Variants in CXorf58 observed in about 807,000 individuals in gnomAD.
The protein encoded by CXorf58 is chromosome X open reading frame 58, also known as uncharacterized protein CXorf58.
In CXorf58, 24 loss-of-function variants were observed where a neutral mutation model predicts 26.0. The ratio of observed to expected loss-of-function variants is 0.92; its 90% CI spans 0.67 to 1.30. The LOEUF (loss-of-function observed/expected upper bound fraction) is 1.30. CXorf58 is among the 50% of genes most tolerant of loss of function. The probability of loss-of-function intolerance (pLI) is 0.00; values close to 1 mark genes in which losing one functional copy is unlikely to be tolerated. For missense variants in CXorf58, 236 were observed against 263.9 expected (o/e 0.89, Z 0.73); for synonymous variants, 87 against 86.1 (o/e 1.01, Z -0.06).
chrX:23,915,915 C>A lies in CXorf58; in HGVS notation c.311+121C>A. On this transcript the variant is annotated intron_variant, in intron 4 of 8. Coordinates refer to ENST00000379211, the MANE Select transcript of CXorf58 (RefSeq NM_152761.3). ...TTAATTACAAAGTAAATGTGTTATT[C>A]TTATTTACATTTGTTATGTGAAGAA... 6.2e-6 allele frequency: 3 copies of A among 480,513 alleles called. No individual in the cohort carries two copies. In the East Asian group the frequency reaches 1.1e-4, roughly 18 times the overall value. The allele number at this position is 480,513 out of a possible 1,213,427, so 39.6% of individuals were successfully genotyped here.
intron 5 of CXorf58, among the ~76,000 whole-genome samples, chrX:23,923,836 G>A (rs1236778322): frequency 1.8e-5 from 2 of 110,005 alleles, no homozygotes; most frequent in Non-Finnish European, 1.9e-5. Context: ...TTGGGAGGCC[G>A]AGGCAGGTGG....
chrX:23,935,190 C>T lies in CXorf58; in HGVS notation c.556-6C>T. ...CAACTTAATCGTTCTTGTTTTTTCC[C>T]TACAGTATCGCAGTTTTTTCGATGA... On this transcript the variant is annotated splice_polypyrimidine_tract_variant and splice_region_variant and intron_variant, in intron 6 of 8. Transcript: ENST00000379211. The T allele has an allele frequency of 2.5e-6, 3 of 1,196,216 alleles. No individual in the cohort carries two copies. The highest frequency in any genetic ancestry group is 3.4e-6 in the Non-Finnish European group (3 of 882,834).
chrX:23,925,457 C>T (rs1294700245), intron 5 of CXorf58, among the ~76,000 whole-genome samples: 1 of 108,253 alleles, frequency 9.2e-6, no homozygotes, highest in East Asian at 2.9e-4. Flanking sequence ...AAGCATTTCT[C>T]CTGCCTCAGC....
At chrX:23,933,319 T>C (rs1928212291) in intron 6 of CXorf58, among the ~76,000 whole-genome samples, 1 of 111,138 alleles carries the variant, frequency 9.0e-6, no homozygotes, top group South Asian at 3.7e-4. Context: ...CTTCTTGTTA[T>C]TCTGTTTCCT....
intron 5 of CXorf58, among the ~76,000 whole-genome samples, chrX:23,919,476 C>T (rs1462585504): frequency 8.9e-6 from 1 of 112,077 alleles, no homozygotes; most frequent in African/African-American, 3.2e-5. Context: ...TTCTGAATTC[C>T]TTCTCTGTGT....
At chrX:23,923,713 G>A (rs1927929684) in intron 5 of CXorf58, among the ~76,000 whole-genome samples, 1 of 111,164 alleles carries the variant, frequency 9.0e-6, no homozygotes, top group Admixed American at 9.6e-5. Context: ...CACTTTGGGA[G>A]GCCAAGGCAG....
At chrX:23,915,230 G>T (rs902454387) in intron 3 of CXorf58, among the ~76,000 whole-genome samples, 1 of 112,162 alleles carries the variant, frequency 8.9e-6, no homozygotes, top group African/African-American at 3.2e-5. Context: ...GTACATAAAA[G>T]GTGCTTAAAA....
intron 5 of CXorf58, among the ~76,000 whole-genome samples, chrX:23,918,585 C>A (rs1927788441): frequency 1.8e-5 from 2 of 112,090 alleles, no homozygotes; most frequent in African/African-American, 6.5e-5. Flanking sequence ...ATCTTCTAGT[C>A]TTTCTATTCA....
intron 5 of CXorf58, among the ~76,000 whole-genome samples, chrX:23,919,003 C>G (rs1056785005): frequency 1.8e-5 from 2 of 111,892 alleles, no homozygotes; most frequent in Non-Finnish European, 3.8e-5. Flanking sequence ...AGGATTCTTT[C>G]TTTATCCTTG....
chrX:23,937,770 T>G (rs1429102932), intron 7 of CXorf58, among the ~76,000 whole-genome samples: 1 of 111,391 alleles, frequency 9.0e-6, no homozygotes, highest in Non-Finnish European at 1.9e-5. Context: ...ATGCAGATGC[T>G]GGCATTGAAA....
At position 23,910,361 on chromosome X, in the gene CXorf58, T is replaced by TA. The variant is rs1418563720; in HGVS notation, c.60dup (p.Gln21ThrfsTer22). The TA allele has an allele frequency of 8.4e-7, 1 of 1,196,844 alleles. No homozygotes were observed. On this transcript the variant is annotated frameshift_variant, in exon 2 of 9. Transcript: ENST00000379211. LOFTEE classifies it high-confidence loss of function. ...ATTCTGAAATCAGGTACAAGATCCT[T>TA]ACAAAAAGTTCGCAGAGTACATTTC...
chrX:23,933,067 C>T (rs753800867), intron 6 of CXorf58, among the ~76,000 whole-genome samples: 8 of 110,158 alleles, frequency 7.3e-5, no homozygotes, highest in Non-Finnish European at 9.5e-5. Flanking sequence ...AGGCAGAGGC[C>T]GGAGGATTGC....
At chrX:23,915,944 G>T (rs373861642) in intron 4 of CXorf58, 150 bp downstream of exon 4, 6 of 453,621 alleles carry the variant, frequency 1.3e-5, no homozygotes, top group East Asian at 3.8e-5. Context: ...TGAAGAAACC[G>T]AGGCATGACT....
chrX:23,919,362 G>C (rs770229024), intron 5 of CXorf58, among the ~76,000 whole-genome samples: 5 of 111,992 alleles, frequency 4.5e-5, no homozygotes, highest in African/African-American at 1.6e-4. Flanking sequence ...AGGAGACTCT[G>C]ATGCATTCTT....
At chrX:23,921,892 G>T (rs1220090421) in intron 5 of CXorf58, among the ~76,000 whole-genome samples, 3 of 109,346 alleles carry the variant, frequency 2.7e-5, no homozygotes. Flanking sequence ...TAGTAGAAAG[G>T]AGGTTTTGCT....
intron 5 of CXorf58, among the ~76,000 whole-genome samples, chrX:23,918,493 A>C (rs1021382714): frequency 1.8e-5 from 2 of 111,771 alleles, no homozygotes; most frequent in Non-Finnish European, 3.8e-5. Context: ...CCCACTTTTT[A>C]ACTTTTTGTT....
At position 23,935,427 on chromosome X, in the gene CXorf58, T is replaced by A; in HGVS notation, c.785+2T>A. 1.8e-6 allele frequency: 2 copies of A among 1,141,831 alleles called. No individual in the cohort carries two copies. The highest frequency in any genetic ancestry group is 1.2e-6 in the Non-Finnish European group (1 of 832,925). 94.1% of individuals were successfully genotyped at this position (1,141,831 alleles called of 1,213,427 possible). A position where few individuals can be genotyped will look rare whatever the true frequency, so the allele number is the denominator to read the frequency against. On this transcript the variant is annotated splice_donor_variant, in intron 7 of 8. Coordinates refer to ENST00000379211, the MANE Select transcript of CXorf58 (RefSeq NM_152761.3). LOFTEE classifies it high-confidence loss of function. The stretch of plus-strand genomic sequence containing the variant: ...GCTACGGATTGTTTCTGAAATTAGG[T>A]AAAACAGATTCTTCACTGGGGTTAC...
intron 8 of CXorf58, 75 bp from the exon 9 acceptor site, chrX:23,939,169 A>T: frequency 1.5e-6 from 1 of 646,597 alleles, no homozygotes. Context: ...GGATAAATAT[A>T]GTCAAACATT....
Position 23,916,346 on chromosome X carries a change from A to G in CXorf58, c.423+18A>G. 1.0e-6 allele frequency: 1 copy of G among 985,547 alleles called. No homozygotes were observed. Among genetic ancestry groups the G allele is most frequent in the Non-Finnish European group, 1.4e-6 (1 of 695,057 alleles). 81.2% of individuals were successfully genotyped at this position (985,547 alleles called of 1,213,427 possible). A position where few individuals can be genotyped will look rare whatever the true frequency, so the allele number is the denominator to read the frequency against. Reference sequence around the variant, plus strand: ...CAAGTAAGGTGACGTTTCATGATGTACATTTTATGTTAACTTAGCTTTTTA... The same window carrying G: ...CAAGTAAGGTGACGTTTCATGATGTGCATTTTATGTTAACTTAGCTTTTTA... On this transcript the variant is annotated intron_variant, in intron 5 of 8. Transcript: ENST00000379211.
Sources: gnomAD v4.1 joint callset for allele counts (sites outside exome capture counted in the v4.1 genomes callset) on GRCh38, gnomAD v4.1.1 for gene constraint, MANE v1.5 for transcripts, NCBI Gene and HGNC (gene_info 2026-07-23, HGNC 2026-07-21) for gene names.